Variants in BRCA1 observed in about 807,000 individuals in gnomAD.
BRCA1 encodes the protein breast cancer type 1 susceptibility protein.
BRCA1 carries 140 observed loss-of-function variants against 173.7 expected under a neutral mutation model. The observed-to-expected ratio is 0.81, with a 90% CI of 0.70 to 0.93. BRCA1 has a LOEUF of 0.93. Among genes scored for constraint, BRCA1 ranks in the 40% least tolerant of loss-of-function variants. The pLI is 0.00. For synonymous variants in BRCA1, 662 were observed against 756.0 expected, an observed-to-expected ratio of 0.88 and a Z score of 2.04; for missense variants, 1,983 against 2,172.5, an observed-to-expected ratio of 0.91 and a Z score of 1.73.
chr17:43,149,283 T>C (rs1420597852), intron 1 of BRCA1, among the ~76,000 whole-genome samples: 74 of 149,810 alleles, frequency 4.9e-4, no homozygotes, highest in African/African-American at 1.9e-3. Flanking sequence ...TTTTTTTTTT[T>C]TCTTTGTATT....
In BRCA1 at chr17:43,104,949, G is replaced by T. The variant is rs80357234; in HGVS notation, c.220C>A (p.Gln74Lys). 6.2e-7 allele frequency: 1 copy of T among 1,613,210 alleles called. No individual in the cohort carries two copies. The highest frequency in any genetic ancestry group is 8.5e-7 in the Non-Finnish European group (1 of 1,179,496). ...CKNDITKRSL[Q>K]ESTRFSQLVE... ...AGTTGACTAAATCTCGTACTTTCTT[G>T]TAGGCTCCTGAAATTAAATTGTTTG... is the stretch of plus-strand genomic sequence containing the variant. Residue 74 changes from glutamine to lysine, a missense_variant, in exon 5 of 23, where the codon CAA becomes AAA. Physicochemically the swap from Gln to Lys is moderately conservative, Grantham distance 53. Coordinates refer to ENST00000357654, the MANE Select transcript of BRCA1 (RefSeq NM_007294.4).
chr17:43,067,997 G>T (rs949480737), intron 15 of BRCA1, among the ~76,000 whole-genome samples: 8 of 151,556 alleles, frequency 5.3e-5, no homozygotes, highest in African/African-American at 1.9e-4. Context: ...TGAAGTCTCG[G>T]CTGGGCGCGG....
intron 11 of BRCA1, among the ~76,000 whole-genome samples, chr17:43,089,420 C>T (rs1327820723): frequency 1.3e-5 from 2 of 151,994 alleles, no homozygotes; most frequent in African/African-American, 4.8e-5. Context: ...ACTATTCTGC[C>T]TTTAGTACAT....
At chr17:43,100,150 G>A (rs1567806599) in intron 6 of BRCA1, among the ~76,000 whole-genome samples, 1 of 152,152 alleles carries the variant, frequency 6.6e-6, no homozygotes, top group Non-Finnish European at 1.5e-5. Context: ...AACAGAGTGA[G>A]ACCCAGTCTC....
chr17:43,061,195 C>A (rs1397400262), intron 18 of BRCA1, among the ~76,000 whole-genome samples: 1 of 152,070 alleles, frequency 6.6e-6, no homozygotes. Flanking sequence ...GTTTGCTATT[C>A]CTCTGCCTAT....
chr17:43,116,372 A>G (rs1241455633), intron 2 of BRCA1, among the ~76,000 whole-genome samples: 19 of 152,110 alleles, frequency 1.2e-4, no homozygotes, highest in Non-Finnish European at 1.5e-5. Flanking sequence ...TATTTTAATT[A>G]TTATTACTTT....
intron 1 of BRCA1, chr17:43,145,325 CTTTCT>C: frequency 8.6e-6 from 4 of 466,030 alleles, no homozygotes; most frequent in African/African-American, 4.4e-5. Context: ...AATTTTTTTT[CTTTCT>C]TTTTTTTTTT....
At chr17:43,108,706 CA>C (rs35561635) in intron 3 of BRCA1, among the ~76,000 whole-genome samples, 168 of 16,078 alleles carry the variant, frequency 0.01, no homozygotes, top group African/African-American at 0.03. Flanking sequence ...GACTCTGTCT[CA>C]AAAAAAAAAA....
intron 11 of BRCA1, among the ~76,000 whole-genome samples, chr17:43,088,670 T>G (rs2053324459): frequency 6.6e-6 from 1 of 152,226 alleles, no homozygotes. Flanking sequence ...ATCATTCACT[T>G]ACTAGCAGCT....
At chr17:43,056,247 C>T (rs924937861) in intron 19 of BRCA1, among the ~76,000 whole-genome samples, 2 of 150,336 alleles carry the variant, frequency 1.3e-5, no homozygotes, top group Non-Finnish European at 2.9e-5. Context: ...AATCTCCGTT[C>T]ACTGTAGTCC....
At chr17:43,064,862 GCT>G (rs1303869571) in intron 16 of BRCA1, among the ~76,000 whole-genome samples, 2 of 119,868 alleles carry the variant, frequency 1.7e-5, no homozygotes, top group East Asian at 4.7e-4. Context: ...ATGCAGTCTT[GCT>G]CTGTCAGCCA....
intron 4 of BRCA1, among the ~76,000 whole-genome samples, chr17:43,105,222 TA>T (rs2054710094): frequency 6.6e-6 from 1 of 152,102 alleles, no homozygotes; most frequent in Non-Finnish European, 1.5e-5. Context: ...ATGCATTGCA[TA>T]GAAAACTAGA....
At position 43,045,134 on chromosome 17, in the gene BRCA1, C is replaced by A; in HGVS notation, c.*544G>T. On this transcript the variant is annotated 3_prime_UTR_variant, in exon 23 of 23. Transcript: ENST00000357654. ...GTTTCCTTTTCATTTCTAATACCTG[C>A]CTCAGAATTTCCTCCCCAATGTTCC... The A allele has an allele frequency of 1.9e-6, 1 of 534,546 alleles. No homozygotes were observed. The highest frequency in any genetic ancestry group is 3.9e-5 in the East Asian group (1 of 25,712). The allele number at this position is 534,546 out of a possible 1,614,324, so 33.1% of individuals were successfully genotyped here.
At chr17:43,157,708 TA>T (rs1390008056) in intron 1 of BRCA1, among the ~76,000 whole-genome samples, 2 of 126,336 alleles carry the variant, frequency 1.6e-5, no homozygotes, top group Non-Finnish European at 3.4e-5. Context: ...AAATAAAAAT[TA>T]AAAAAATCTG....
chr17:43,092,388 C>A lies in BRCA1; in HGVS notation c.3143G>T (p.Gly1048Val), dbSNP rs80356899. ...GGAGCCCACTTCATTAGTACTGGAACCTACTTCATTAATATTGCTTGAGCT... is the reference window on the plus strand; with the variant it reads ...GGAGCCCACTTCATTAGTACTGGAAACTACTTCATTAATATTGCTTGAGCT... ...EASSSNINEV[G>V]SSTNEVGSSI... is the part of the protein sequence containing the mutation. The change falls in exon 10 of 23, where the codon GGT becomes GTT. Residue 1048 changes from glycine to valine, a missense_variant. Coordinates refer to ENST00000357654, the MANE Select transcript of BRCA1 (RefSeq NM_007294.4). 5.0e-6 allele frequency: 8 copies of A among 1,613,870 alleles called. No homozygotes were observed. Among genetic ancestry groups the A allele is most frequent in the South Asian group, 2.2e-5 (2 of 91,076 alleles).
chr17:43,093,192 T>C lies in BRCA1; in HGVS notation c.2339A>G (p.Gln780Arg), dbSNP rs1410232200. 18 of 1,613,866 alleles carry C rather than the reference T, an allele frequency of 1.1e-5. No homozygotes were observed. The highest frequency in any genetic ancestry group is 1.5e-5 in the Non-Finnish European group (18 of 1,179,982). Residue 780 changes from glutamine (Q) to arginine (R), a missense_variant, in exon 10 of 23, where the codon CAG becomes CGG. Transcript: ENST00000357654. ...SLVPGTDYGT[Q>R]ESISLLEVST... is the part of the protein sequence containing the mutation. ...AACTTCCAGTAACGAGATACTTTCCTGAGTGCCATAATCAGTACCAGGTAC... is the reference window on the plus strand; with the variant it reads ...AACTTCCAGTAACGAGATACTTTCCCGAGTGCCATAATCAGTACCAGGTAC...
intron 3 of BRCA1, among the ~76,000 whole-genome samples, chr17:43,113,151 C>T (rs2055116713): frequency 6.6e-6 from 1 of 152,008 alleles, no homozygotes; most frequent in East Asian, 1.9e-4. Context: ...AGCACCTCAG[C>T]ATCTTCCTGT....
intron 6 of BRCA1, among the ~76,000 whole-genome samples, chr17:43,100,961 C>G (rs1446065435): frequency 6.6e-6 from 1 of 151,188 alleles, no homozygotes; most frequent in East Asian, 2.0e-4. Flanking sequence ...ACACTCCTGA[C>G]CTCAGGTGAT....
At chr17:43,064,413 C>T (rs560189356) in intron 16 of BRCA1, among the ~76,000 whole-genome samples, 19 of 152,328 alleles carry the variant, frequency 1.2e-4, no homozygotes, top group African/African-American at 4.3e-4. Flanking sequence ...CCTAGAATGT[C>T]TACCTGGGGA....
Sources: allele counts gnomAD v4.1 joint callset (sites outside exome capture counted in the v4.1 genomes callset), GRCh38; gene constraint gnomAD v4.1.1; transcripts MANE v1.5; gene names NCBI Gene and HGNC (gene_info 2026-07-23, HGNC 2026-07-21).